The following GRIP1 variants were observed in gnomAD, a reference collection of about 807,000 sequenced individuals.
The protein encoded by GRIP1 is glutamate receptor interacting protein 1.
A neutral mutation model predicts 129.9 loss-of-function variants in GRIP1; 45 were observed. The observed-to-expected ratio is 0.35, with a 90% CI of 0.27 to 0.44. GRIP1 has a LOEUF of 0.44. Among genes scored for constraint, GRIP1 ranks in the 20% least tolerant of loss-of-function variants. The pLI, the probability that GRIP1 is intolerant of heterozygous loss-of-function variation, is 1.00. For synonymous variants in GRIP1, 530 were observed against 520.8 expected (o/e 1.02, Z -0.24); for missense variants, 1,196 against 1,396.8 (o/e 0.86, Z 2.29).
chr12:66,350,807 G>A (rs552976900), intron 24 of GRIP1, among the ~76,000 whole-genome samples: 5 of 152,168 alleles, frequency 3.3e-5, no homozygotes, highest in South Asian at 4.2e-4. Flanking sequence ...ACCCACCTTC[G>A]ATAAACCCAT....
chr12:66,827,918 T>C (rs951697540), intron 1 of GRIP1, among the ~76,000 whole-genome samples: 1 of 152,232 alleles, frequency 6.6e-6, no homozygotes, highest in Admixed American at 6.5e-5. Flanking sequence ...AGTTCTAGTT[T>C]TCTTAGTGCT....
At chr12:66,819,999 T>C (rs1248203295) in intron 1 of GRIP1, among the ~76,000 whole-genome samples, 2 of 152,232 alleles carry the variant, frequency 1.3e-5, no homozygotes, top group Non-Finnish European at 2.9e-5. Context: ...GACTCAGTTA[T>C]CTGGAGGCAC....
At chr12:66,414,901 A>G (rs542317290) in intron 15 of GRIP1, among the ~76,000 whole-genome samples, 2 of 150,868 alleles carry the variant, frequency 1.3e-5, no homozygotes, top group East Asian at 3.9e-4. Flanking sequence ...GTATGCAGAA[A>G]ATTAAAACTG....
At chr12:66,893,246 T>A (rs774124970) in intron 1 of GRIP1, among the ~76,000 whole-genome samples, 2 of 152,116 alleles carry the variant, frequency 1.3e-5, no homozygotes, top group Non-Finnish European at 2.9e-5. Flanking sequence ...ATTTGATATC[T>A]CTTTATTTTT....
chr12:66,476,387 C>G (rs761109414), intron 7 of GRIP1, among the ~76,000 whole-genome samples: 1 of 152,216 alleles, frequency 6.6e-6, no homozygotes, highest in Non-Finnish European at 1.5e-5. Flanking sequence ...GCTTACCAAC[C>G]AAAAAGAGTC....
intron 1 of GRIP1, among the ~76,000 whole-genome samples, chr12:66,894,850 C>G (rs1221432826): frequency 2.0e-5 from 3 of 152,194 alleles, no homozygotes; most frequent in African/African-American, 7.2e-5. Context: ...TGTGGACATG[C>G]TGACCAATAA....
intron 2 of GRIP1, among the ~76,000 whole-genome samples, chr12:66,594,756 G>A (rs1425737590): frequency 6.6e-6 from 1 of 152,198 alleles, no homozygotes; most frequent in Non-Finnish European, 1.5e-5. Context: ...CATGGACTTA[G>A]TGGGGGCACA....
intron 1 of GRIP1, among the ~76,000 whole-genome samples, chr12:66,786,422 G>C: frequency 6.6e-6 from 1 of 152,112 alleles, no homozygotes. Flanking sequence ...CAGCAGCAGG[G>C]CTGGGGACAG....
chr12:67,059,551 A>C (rs142728962), intron 1 of GRIP1, among the ~76,000 whole-genome samples: 4 of 152,354 alleles, frequency 2.6e-5, no homozygotes, highest in African/African-American at 9.6e-5. Context: ...AACCCTTGAG[A>C]AATTAGAGAA....
intron 2 of GRIP1, among the ~76,000 whole-genome samples, chr12:66,542,432 A>G (rs1188035814): frequency 6.6e-6 from 1 of 152,234 alleles, no homozygotes; most frequent in East Asian, 1.9e-4. Flanking sequence ...CAGGTTCTAG[A>G]AAAATATTAT....
rs764546794 is a variant in GRIP1, at chr12:66,840,673, A to G, written c.58+228377T>C. ...AGATTTTCACACTACTGAGCAATCT[A>G]TTTAGACTGAAACCTACTGAACTCC... On this transcript the variant is annotated intron_variant, in intron 1 of 1. Coordinates refer to the GRIP1 transcript ENST00000643019. Among the ~76,000 whole-genome samples the G allele has an allele frequency of 4.7e-4, 72 of 152,224 alleles. 1 individual carries two copies. The highest frequency in any genetic ancestry group is 8.1e-4 in the Non-Finnish European group (55 of 68,044).
chr12:66,886,469 C>T lies in GRIP1; in HGVS notation c.58+182581G>A, dbSNP rs565633409. ...ATCCCTGAAGCCCAGTTACAACCTG[C>T]CCCATCTCTTCTCTCTCTGCAGTCA... On this transcript the variant is annotated intron_variant, in intron 1 of 1. Transcript: ENST00000643019. 1.2e-4 allele frequency among the ~76,000 whole-genome samples: 19 copies of T among 152,242 alleles called. 1 individual carries two copies. The East Asian group carries it at 3.7e-3, about 29-fold the overall frequency.
intron 1 of GRIP1, among the ~76,000 whole-genome samples, chr12:66,756,689 G>A (rs759043982): frequency 5.9e-5 from 9 of 152,096 alleles, no homozygotes; most frequent in Non-Finnish European, 1.3e-4. Flanking sequence ...CAGGCAGCAT[G>A]CATCATCTCA....
intron 1 of GRIP1, among the ~76,000 whole-genome samples, chr12:66,945,713 C>T (rs2041657758): frequency 6.6e-6 from 1 of 152,192 alleles, no homozygotes; most frequent in African/African-American, 2.4e-5. Context: ...CTGGGGATTA[C>T]ATTTCAACAC....
intron 1 of GRIP1, among the ~76,000 whole-genome samples, chr12:66,638,498 C>T (rs942910505): frequency 2.0e-5 from 3 of 152,168 alleles, no homozygotes; most frequent in African/African-American, 7.2e-5. Flanking sequence ...TGTACTGTTT[C>T]TTACTGCCCC....
intron 1 of GRIP1, among the ~76,000 whole-genome samples, chr12:66,768,371 T>C (rs533809636): frequency 1.3e-5 from 2 of 152,352 alleles, no homozygotes; most frequent in East Asian, 3.9e-4. Context: ...CATGCTCACA[T>C]ACAAACACAT....
chr12:66,483,116 G>A (rs1249131557), intron 7 of GRIP1, among the ~76,000 whole-genome samples: 1 of 152,078 alleles, frequency 6.6e-6, no homozygotes, highest in African/African-American at 2.4e-5. Context: ...GAACCTCCCG[G>A]GGGTAGTGGA....
chr12:66,805,778 T>C (rs930054621), upstream of GRIP1, among the ~76,000 whole-genome samples: 3 of 152,158 alleles, frequency 2.0e-5, no homozygotes, highest in Non-Finnish European at 4.4e-5. Context: ...CAAGAACATA[T>C]CACATCTAAA....
chr12:66,551,694 C>T (rs2062142739), intron 2 of GRIP1, among the ~76,000 whole-genome samples: 1 of 151,716 alleles, frequency 6.6e-6, no homozygotes, highest in Non-Finnish European at 1.5e-5. Context: ...CTGCCTCAGC[C>T]CCCTGAGTAG....
Sources: allele counts gnomAD v4.1 joint callset (sites outside exome capture counted in the v4.1 genomes callset), GRCh38; gene constraint gnomAD v4.1.1; transcripts MANE v1.5; gene names NCBI Gene and HGNC (gene_info 2026-07-23, HGNC 2026-07-21).